SRRM2: variants seen among roughly 807,000 people sequenced by gnomAD.
The protein encoded by SRRM2 is serine/arginine repetitive matrix protein 2.
In SRRM2, 30 loss-of-function variants were observed where a neutral mutation model predicts 213.8. The ratio of observed to expected loss-of-function variants is 0.14; its 90% CI spans 0.10 to 0.19. The LOEUF (loss-of-function observed/expected upper bound fraction) is 0.19, where lower values mean the gene tolerates loss of function less well. Among genes scored for constraint, SRRM2 ranks in the 10% least tolerant of loss-of-function variants. The pLI is 1.00. For missense variants in SRRM2, 4,904 were observed against 3,647.0 expected (o/e 1.34, Z -8.88); for synonymous variants, 2,025 against 1,377.7 (o/e 1.47, Z -10.40).
In SRRM2 at chr16:2,762,635, C is replaced by T. The variant is rs193209461; in HGVS notation, c.2107C>T (p.Arg703Cys). 2.9e-5 allele frequency: 47 copies of T among 1,614,044 alleles called. No individual in the cohort carries two copies. The highest frequency in any genetic ancestry group is 2.7e-4 in the East Asian group (12 of 44,882). ...RSRTPRRGRSRSRSLVRRGRS... is the reference protein window; with the variant it reads ...RSRTPRRGRSCSRSLVRRGRS... ...TAGGACACCAAGACGAGGAAGATCC[C>T]GCAGTAGAAGCTTAGTTAGACGTGG... The change falls in exon 11 of 15, where the codon CGC becomes TGC. Residue 703 changes from arginine (R) to cysteine (C), a missense_variant. Physicochemically the swap from Arg to Cys is radical, Grantham distance 180. Coordinates refer to ENST00000301740, the MANE Select transcript of SRRM2 (RefSeq NM_016333.4).
rs146753340 is a variant in SRRM2, at chr16:2,761,959, C to T, written c.1431C>T (p.Pro477=). The T allele has an allele frequency of 2.4e-4, 387 of 1,614,108 alleles. 1 individual carries two copies. The East Asian group carries it at 6.6e-3, about 28-fold the overall frequency. Residue 477 remains proline (P), a synonymous_variant, in exon 11 of 15, where the codon CCC becomes CCT. Coordinates refer to ENST00000301740, the MANE Select transcript of SRRM2 (RefSeq NM_016333.4). The part of the protein sequence containing the change: ...AKRDKSHSHT[P]SRRMGRSRSP... ...GGGATAAATCACATTCTCATACCCC[C>T]TCCCGTAGGATGGGGAGGTCCCGTA...
Position 2,765,006 on chromosome 16 carries a change from C to G in SRRM2, c.4478C>G (p.Pro1493Arg). ...SPEPKALPQT[P>R]RPRSRSPSSP... Reference sequence around the variant, plus strand: ...GAACCGAAAGCTTTGCCTCAGACTCCTAGGCCGAGGAGTCGTTCTCCATCA... The same window carrying G: ...GAACCGAAAGCTTTGCCTCAGACTCGTAGGCCGAGGAGTCGTTCTCCATCA... Residue 1493 changes from proline (P) to arginine (R), a missense_variant, in exon 11 of 15, where the codon CCT becomes CGT. Physicochemically the swap from Pro to Arg is moderately radical, Grantham distance 103 (BLOSUM62 -2). Coordinates refer to ENST00000301740, the MANE Select transcript of SRRM2 (RefSeq NM_016333.4). 6.2e-7 allele frequency: 1 copy of G among 1,614,012 alleles called. No individual in the cohort carries two copies. Among genetic ancestry groups the G allele is most frequent in the Middle Eastern group, 1.6e-4 (1 of 6,062 alleles).
At position 2,770,715 on chromosome 16, in the gene SRRM2, C is replaced by T. The variant is rs1185474630; in HGVS notation, c.8247C>T (p.Ser2749=). The change falls in exon 14 of 15, where the codon TCC becomes TCT. Residue 2749 remains serine (S), a splice_region_variant and synonymous_variant. Coordinates refer to ENST00000301740, the MANE Select transcript of SRRM2 (RefSeq NM_016333.4). ...CTCGGCCCATGAGACACCGCTCCTCCAGGTGCGTGTCCTGGAAGGCTGATG... is the reference window on the plus strand; with the variant it reads ...CTCGGCCCATGAGACACCGCTCCTCTAGGTGCGTGTCCTGGAAGGCTGATG... ...PSPRPMRHRS[S]RSP The T allele has an allele frequency of 6.4e-7, 1 of 1,567,046 alleles. No homozygotes were observed. Among genetic ancestry groups the T allele is most frequent in the South Asian group, 1.2e-5 (1 of 86,084 alleles).
Position 2,763,340 on chromosome 16 carries a change from C to G in SRRM2, c.2812C>G (p.Pro938Ala). The G allele has an allele frequency of 6.2e-7, 1 of 1,614,162 alleles. No individual in the cohort carries two copies. Among genetic ancestry groups the G allele is most frequent in the Non-Finnish European group, 8.5e-7 (1 of 1,180,036 alleles). Residue 938 changes from proline to alanine, a missense_variant, in exon 11 of 15, where the codon CCT becomes GCT. Pro to Ala is a conservative substitution (Grantham distance 27). Coordinates refer to ENST00000301740, the MANE Select transcript of SRRM2 (RefSeq NM_016333.4). ...CCATTCTGGCTCCTCTTCTCCAAGT[C>G]CTAGTAGGGTGACGTCGAGAACAAC... ...RSHSGSSSPS[P>A]SRVTSRTTPR...
In SRRM2 at chr16:2,762,195, C is replaced by T; in HGVS notation, c.1667C>T (p.Ser556Leu). 6.2e-7 allele frequency: 1 copy of T among 1,614,088 alleles called. No individual in the cohort carries two copies. The highest frequency in any genetic ancestry group is 8.5e-7 in the Non-Finnish European group (1 of 1,179,992). Reference protein sequence around the residue: ...RNTQRRGRSRSARRGRSHSRS... With the variant: ...RNTQRRGRSRLARRGRSHSRS... ...ACCCAGAGAAGAGGCAGGTCTAGGTCAGCAAGGCGAGGGAGGTCCCACTCT... is the reference window on the plus strand; with the variant it reads ...ACCCAGAGAAGAGGCAGGTCTAGGTTAGCAAGGCGAGGGAGGTCCCACTCT... The change falls in exon 11 of 15, where the codon TCA becomes TTA. Residue 556 changes from serine to leucine, a missense_variant. Transcript: ENST00000301740.
Position 2,756,364 on chromosome 16 carries a change from C to G in SRRM2, c.-1C>G, listed in dbSNP as rs779768459. 2 of 1,601,338 alleles carry G rather than the reference C, an allele frequency of 1.2e-6. No individual in the cohort carries two copies. The highest frequency in any genetic ancestry group is 2.7e-5 in the African/African-American group (2 of 74,812). ...GTGGTGCCCCCCCCGGGCACGGGGC[C>G]ATGTACAACGGGATCGGGCTGCCGA... On this transcript the variant is annotated 5_prime_UTR_variant, in exon 2 of 15. Transcript: ENST00000301740.
chr16:2,760,533 G>A (rs1596271579), intron 10 of SRRM2, 34 bp downstream of exon 10: 1 of 1,607,714 alleles, frequency 6.2e-7, no homozygotes, highest in Non-Finnish European at 8.5e-7. Flanking sequence ...TCATTGGATT[G>A]CAAATGTATA....
rs138424646 is a variant in SRRM2, at chr16:2,763,731, G to A, written c.3203G>A (p.Arg1068Lys). 7 of 1,614,052 alleles carry A rather than the reference G, an allele frequency of 4.3e-6. No homozygotes were observed. Among genetic ancestry groups the A allele is most frequent in the South Asian group, 1.1e-5 (1 of 91,086 alleles). Residue 1068 changes from arginine (R) to lysine (K), a missense_variant, in exon 11 of 15, where the codon AGA becomes AAA. Arg to Lys is a conservative substitution (Grantham distance 26). Transcript: ENST00000301740. ...KGQSQTSPDH[R>K]SDTSSPEVRQ... Reference sequence around the variant, plus strand: ...CAATCTCAAACTTCACCAGACCACAGATCTGATACTTCAAGTCCAGAAGTG... The same window carrying A: ...CAATCTCAAACTTCACCAGACCACAAATCTGATACTTCAAGTCCAGAAGTG...
rs748082504 is a variant in SRRM2 at position 2,765,936 on chromosome 16, G to A, written c.5408G>A (p.Arg1803Gln). ...SSQSTSRRRQRSRSRSRVTRR... is the reference protein window; with the variant it reads ...SSQSTSRRRQQSRSRSRVTRR... ...CAGTCAACCTCTCGGCGAAGACAGC[G>A]GAGCCGGTCAAGGTCGCGGGTTACT... is the stretch of plus-strand genomic sequence containing the variant. Residue 1803 changes from arginine (R) to glutamine (Q), a missense_variant, in exon 11 of 15, where the codon CGG becomes CAG. By Grantham distance (43) the Arg-to-Gln change is conservative (BLOSUM62 1). Transcript: ENST00000301740. The A allele has an allele frequency of 9.3e-6, 15 of 1,614,078 alleles. No homozygotes were observed. The highest frequency in any genetic ancestry group is 4.5e-5 in the East Asian group (2 of 44,892).
rs1567237692 is a variant in SRRM2, at chr16:2,765,712, C to G, written c.5184C>G (p.Pro1728=). The G allele has an allele frequency of 6.2e-7, 1 of 1,614,186 alleles. No individual in the cohort carries two copies. The highest frequency in any genetic ancestry group is 8.5e-7 in the Non-Finnish European group (1 of 1,180,042). ...CTCCCCCAAGGCACCGGAGAAGTCC[C>G]TCAGTGTCTTCCCCGGAGCCAGCCG... The part of the protein sequence containing the change: ...SRTPPRHRRS[P]SVSSPEPAEK... The change falls in exon 11 of 15, where the codon CCC becomes CCG. Residue 1728 remains proline (P), a synonymous_variant. Transcript: ENST00000301740.
At chr16:2,756,839 C>A (rs1415606502) in intron 2 of SRRM2, among the ~76,000 whole-genome samples, 1 of 151,910 alleles carries the variant, frequency 6.6e-6, no homozygotes, top group African/African-American at 2.4e-5. Context: ...TAAATGGAGG[C>A]ACGTGGGAGA....
intron 1 of SRRM2, among the ~76,000 whole-genome samples, chr16:2,755,537 G>A (rs1318772861): frequency 6.6e-6 from 1 of 152,120 alleles, no homozygotes; most frequent in African/African-American, 2.4e-5. Context: ...AAGACAGGGA[G>A]GAACTGCAAA....
Position 2,764,669 on chromosome 16 carries a change from C to T in SRRM2, c.4141C>T (p.His1381Tyr). 2 of 1,614,088 alleles carry T rather than the reference C, an allele frequency of 1.2e-6. No individual in the cohort carries two copies. The highest frequency in any genetic ancestry group is 1.7e-6 in the Non-Finnish European group (2 of 1,180,030). ...MKEQSTRSSG[H>Y]SSSELSPDAV... ...AGAACAATCGACAAGATCCTCTGGA[C>T]ACAGCAGTTCTGAGTTATCCCCAGA... is the stretch of plus-strand genomic sequence containing the variant. Residue 1381 changes from histidine to tyrosine, a missense_variant, in exon 11 of 15, where the codon CAC becomes TAC. Physicochemically the swap from His to Tyr is moderately conservative, Grantham distance 83. Coordinates refer to ENST00000301740, the MANE Select transcript of SRRM2 (RefSeq NM_016333.4).
At chr16:2,752,929 C>T (rs996589128) in intron 1 of SRRM2, 83 bp downstream of exon 1, 1 of 162,726 alleles carries the variant, frequency 6.1e-6, no homozygotes, top group Non-Finnish European at 1.3e-5. Context: ...GAGAACTGCC[C>T]AGGCCGCCGA....
chr16:2,768,469 C>T (rs1273497752), intron 11 of SRRM2: 2 of 680,032 alleles, frequency 2.9e-6, no homozygotes, highest in Admixed American at 2.2e-5. Flanking sequence ...AAGGTTCATT[C>T]TCTAGAGGAT....
At chr16:2,754,772 A>G (rs1466997830) in intron 1 of SRRM2, among the ~76,000 whole-genome samples, 2 of 152,204 alleles carry the variant, frequency 1.3e-5, no homozygotes, top group South Asian at 2.1e-4. Context: ...GATTGGTACT[A>G]GAAGATGAAA....
Position 2,769,117 on chromosome 16 carries a change from TTCCTCCTCC to T in SRRM2, c.7869_7877del (p.Ser2646_Ser2648del), listed in dbSNP as rs531076704. ...CCAGTTCCAGCTCCTCCTCTTCATC[TTCCTCCTCC>T]TCCTCCTCCTCCTCTTCTTCCTCCT... On this transcript the variant is annotated inframe_deletion, in exon 12 of 15. Coordinates refer to ENST00000301740, the MANE Select transcript of SRRM2 (RefSeq NM_016333.4). The T allele has an allele frequency of 1.4e-5, 22 of 1,611,542 alleles. No individual in the cohort carries two copies. Among genetic ancestry groups the T allele is most frequent in the Non-Finnish European group, 1.7e-5 (20 of 1,178,198 alleles).
Position 2,759,669 on chromosome 16 carries a change from G to C in SRRM2, c.833+8G>C. ...CGATACTTCCCGCAGTCGGTAAGGG[G>C]TAGTCCAGGAGGAAGGGAGGGAGAG... On this transcript the variant is annotated splice_region_variant and intron_variant, in intron 9 of 14. Coordinates refer to ENST00000301740, the MANE Select transcript of SRRM2 (RefSeq NM_016333.4). 6 of 1,612,224 alleles carry C rather than the reference G, an allele frequency of 3.7e-6. No homozygotes were observed. Among genetic ancestry groups the C allele is most frequent in the Non-Finnish European group, 5.1e-6 (6 of 1,178,380 alleles).
Position 2,767,267 on chromosome 16 carries a change from A to G in SRRM2, c.6739A>G (p.Thr2247Ala). 1 of 1,614,062 alleles carries G rather than the reference A, an allele frequency of 6.2e-7. No individual in the cohort carries two copies. Among genetic ancestry groups the G allele is most frequent in the Non-Finnish European group, 8.5e-7 (1 of 1,180,042 alleles). Residue 2247 changes from threonine (T) to alanine (A), a missense_variant, in exon 11 of 15, where the codon ACA becomes GCA. By Grantham distance (58) the Thr-to-Ala change is moderately conservative (BLOSUM62 0). Coordinates refer to ENST00000301740, the MANE Select transcript of SRRM2 (RefSeq NM_016333.4). ...AGCCATGAACCTAGCCAGCGCCAGG[A>G]CACCTGCCATTCCAACAGCAGTGAA... ...AAAMNLASARTPAIPTAVNLA... is the reference protein window; with the variant it reads ...AAAMNLASARAPAIPTAVNLA...
Sources: gnomAD v4.1 joint callset for allele counts (sites outside exome capture counted in the v4.1 genomes callset) on GRCh38, gnomAD v4.1.1 for gene constraint, MANE v1.5 for transcripts, NCBI Gene and HGNC (gene_info 2026-07-23, HGNC 2026-07-21) for gene names.